PAN3: variants seen among roughly 807,000 people sequenced by gnomAD.
The protein encoded by PAN3 is poly(A) specific ribonuclease subunit PAN3, also known as PAN2-PAN3 deadenylation complex subunit PAN3.
A neutral mutation model predicts 96.2 loss-of-function variants in PAN3; 19 were observed. The observed-to-expected ratio is 0.20, with a 90% CI of 0.14 to 0.29. The LOEUF (loss-of-function observed/expected upper bound fraction) is 0.29. Ranked by LOEUF, PAN3 falls within the 10% of genes least tolerant of loss-of-function variation. The pLI, the probability that PAN3 is intolerant of heterozygous loss-of-function variation, is 1.00. For missense variants in PAN3, 882 were observed against 1,108.1 expected (o/e 0.80, Z 2.90); for synonymous variants, 433 against 406.6 (o/e 1.06, Z -0.78).
At chr13:28,243,848 C>T (rs942087199) in intron 6 of PAN3, among the ~76,000 whole-genome samples, 2 of 152,062 alleles carry the variant, frequency 1.3e-5, no homozygotes, top group African/African-American at 4.8e-5. Flanking sequence ...GCCACCACGC[C>T]CAACTAACTT....
rs1448114309 is a variant in PAN3, at chr13:28,177,881, T to A, written c.636T>A (p.Pro212=). 1.2e-6 allele frequency: 2 copies of A among 1,613,158 alleles called. No homozygotes were observed. Among genetic ancestry groups the A allele is most frequent in the East Asian group, 4.5e-5 (2 of 44,798 alleles). The change falls in exon 4 of 19, where the codon CCT becomes CCA. Residue 212 remains proline (P), a synonymous_variant. Coordinates refer to ENST00000380958, the MANE Select transcript of PAN3 (RefSeq NM_175854.8). ...PYSAHDPLTS[P]ASSLFNDFGA... ...ACCTTTCAGATCCTCTAACATCACC[T>A]GCTTCATCCTTGTTTAATGACTTTG...
At chr13:28,277,120 G>T in intron 14 of PAN3, 117 bp from the exon 15 acceptor site, 1 of 1,011,640 alleles carries the variant, frequency 9.9e-7, no homozygotes, top group South Asian at 1.8e-5. Flanking sequence ...AGTATTTGAG[G>T]ACCCTGCCTG....
chr13:28,209,244 A>G (rs1879746770), intron 5 of PAN3, among the ~76,000 whole-genome samples: 1 of 152,196 alleles, frequency 6.6e-6, no homozygotes, highest in Non-Finnish European at 1.5e-5. Flanking sequence ...AAAATCAGAT[A>G]CTATAGAAGA....
rs1372590959 is a variant in PAN3, at chr13:28,294,923, T to C, written c.*2401T>C. On this transcript the variant is annotated 3_prime_UTR_variant, in exon 19 of 19. Coordinates refer to ENST00000380958, the MANE Select transcript of PAN3 (RefSeq NM_175854.8). Reference sequence around the variant, plus strand: ...TAGGTGTTTTTGGGGGAGCCCTGTTTTCCATAGTGTAATTCCATTTAAGAG... The same window carrying C: ...TAGGTGTTTTTGGGGGAGCCCTGTTCTCCATAGTGTAATTCCATTTAAGAG... 1 of 152,192 alleles carries C rather than the reference T, an allele frequency of 6.6e-6. No homozygotes were observed. The highest frequency in any genetic ancestry group is 1.5e-5 in the Non-Finnish European group (1 of 68,036). 9.4% of individuals were successfully genotyped at this position (152,192 alleles called of 1,614,324 possible). A position where few individuals can be genotyped will look rare whatever the true frequency, so the allele number is the denominator to read the frequency against.
At chr13:28,245,023 A>T (rs1408817755) in intron 6 of PAN3, among the ~76,000 whole-genome samples, 2 of 151,784 alleles carry the variant, frequency 1.3e-5, no homozygotes, top group Non-Finnish European at 2.9e-5. Flanking sequence ...TTATTTTTGT[A>T]TTTTTAGTAG....
chr13:28,278,072 C>G (rs1051618258), intron 15 of PAN3, among the ~76,000 whole-genome samples: 1 of 152,256 alleles, frequency 6.6e-6, no homozygotes, highest in East Asian at 1.9e-4. Flanking sequence ...ACCTTTATTA[C>G]AGTTATGAGC....
intron 1 of PAN3, among the ~76,000 whole-genome samples, chr13:28,155,718 C>CAT (rs538368643): frequency 2.6e-5 from 4 of 152,142 alleles, no homozygotes; most frequent in Admixed American, 2.6e-4. Context: ...ATACACATCT[C>CAT]ATATATACAC....
At chr13:28,268,703 A>G (rs559675301) in intron 12 of PAN3, among the ~76,000 whole-genome samples, 47 of 152,302 alleles carry the variant, frequency 3.1e-4, no homozygotes, top group Admixed American at 2.6e-3. Flanking sequence ...TGAAAATTAA[A>G]GAGGAGGGGA....
At chr13:28,189,478 T>A (rs1358868982) in intron 4 of PAN3, among the ~76,000 whole-genome samples, 1 of 151,606 alleles carries the variant, frequency 6.6e-6, no homozygotes, top group East Asian at 1.9e-4. Flanking sequence ...ATCATGCCAC[T>A]GCACTCCAGC....
At chr13:28,147,638 A>G (rs1566135210) in intron 1 of PAN3, among the ~76,000 whole-genome samples, 1 of 152,194 alleles carries the variant, frequency 6.6e-6, no homozygotes, top group Non-Finnish European at 1.5e-5. Context: ...GCCATTGTGC[A>G]ACTTTGTGAC....
intron 12 of PAN3, among the ~76,000 whole-genome samples, chr13:28,268,784 A>G (rs1159116416): frequency 6.6e-6 from 1 of 152,142 alleles, no homozygotes; most frequent in Non-Finnish European, 1.5e-5. Context: ...TATAGACAAA[A>G]ATATATTACT....
At chr13:28,263,951 G>T (rs186393145) in intron 9 of PAN3, among the ~76,000 whole-genome samples, 1 of 152,010 alleles carries the variant, frequency 6.6e-6, no homozygotes. Flanking sequence ...AACAAACACC[G>T]CCCTATGTTT....
At chr13:28,274,155 A>G (rs1886865924) in intron 14 of PAN3, among the ~76,000 whole-genome samples, 1 of 151,992 alleles carries the variant, frequency 6.6e-6, no homozygotes, top group East Asian at 1.9e-4. Context: ...CACAGGGAGG[A>G]ATATGATTAG....
chr13:28,273,221 A>G lies in PAN3; in HGVS notation c.2049+1150A>G, dbSNP rs2138680149. Among the ~76,000 whole-genome samples, 2 of 152,320 alleles carry G rather than the reference A, an allele frequency of 1.3e-5. 1 individual carries two copies. Among genetic ancestry groups the G allele is most frequent in the South Asian group, 4.1e-4 (2 of 4,830 alleles). On this transcript the variant is annotated intron_variant, in intron 14 of 18. Coordinates refer to ENST00000380958, the MANE Select transcript of PAN3 (RefSeq NM_175854.8). ...TATTAGTGTTGATTTAGGCCTCGTG[A>G]TGCTTCTTAGCTATTTTGCTGTTTC...
intron 14 of PAN3, among the ~76,000 whole-genome samples, chr13:28,275,543 T>G (rs969381288): frequency 4.6e-5 from 7 of 152,208 alleles, no homozygotes; most frequent in African/African-American, 1.4e-4. Flanking sequence ...TGCTGGATAC[T>G]TTGGATTGAA....
At chr13:28,241,757 A>AT (rs1883685415) in intron 6 of PAN3, among the ~76,000 whole-genome samples, 1 of 152,196 alleles carries the variant, frequency 6.6e-6, no homozygotes, top group Non-Finnish European at 1.5e-5. Context: ...TTAAAAATGA[A>AT]TAAGTATTTG....
chr13:28,168,176 C>T lies in PAN3; in HGVS notation c.431-6096C>T, dbSNP rs147072543. On this transcript the variant is annotated intron_variant, in intron 1 of 18. Coordinates refer to ENST00000380958, the MANE Select transcript of PAN3 (RefSeq NM_175854.8). ...TAATAGTTCTACAGGTTGAGTATAC[C>T]TTATTTGAAATACCTGGGGCAAGAA... 3.0e-3 allele frequency among the ~76,000 whole-genome samples: 450 copies of T among 152,244 alleles called. 2 individuals are homozygous for T. The highest frequency in any genetic ancestry group is 9.9e-3 in the African/African-American group (410 of 41,542).
chr13:28,233,867 T>C (rs1882836953), intron 6 of PAN3, among the ~76,000 whole-genome samples: 1 of 152,192 alleles, frequency 6.6e-6, no homozygotes, highest in African/African-American at 2.4e-5. Context: ...AGAAATTCTG[T>C]TTTATTGCAT....
At chr13:28,147,424 C>T (rs751802615) in intron 1 of PAN3, among the ~76,000 whole-genome samples, 1 of 152,146 alleles carries the variant, frequency 6.6e-6, no homozygotes, top group Non-Finnish European at 1.5e-5. Context: ...CAATAAAACC[C>T]TTGTTAAGTA....
Sources: gnomAD v4.1 joint callset for allele counts (sites outside exome capture counted in the v4.1 genomes callset) on GRCh38, gnomAD v4.1.1 for gene constraint, MANE v1.5 for transcripts, NCBI Gene and HGNC (gene_info 2026-07-23, HGNC 2026-07-21) for gene names.